GRM8: variants seen among roughly 807,000 people sequenced by gnomAD.
The protein encoded by GRM8 is metabotropic glutamate receptor 8.
A neutral mutation model predicts 87.2 loss-of-function variants in GRM8; 47 were observed. The observed-to-expected ratio is 0.54, with a 90% CI of 0.43 to 0.69. GRM8 has a LOEUF of 0.69. Among genes scored for constraint, GRM8 ranks in the 30% least tolerant of loss-of-function variants. The pLI is 0.00. For synonymous variants in GRM8, 396 were observed against 404.5 expected, an observed-to-expected ratio of 0.98 and a Z score of 0.25; for missense variants, 1,019 against 1,139.2, an observed-to-expected ratio of 0.89 and a Z score of 1.52.
chr7:127,217,969 T>C (rs1276467767), intron 2 of GRM8, among the ~76,000 whole-genome samples: 1 of 152,192 alleles, frequency 6.6e-6, no homozygotes, highest in Non-Finnish European at 1.5e-5. Flanking sequence ...AAAGCCCTTC[T>C]TTAGAATGCA....
In GRM8 at chr7:126,769,882, C is replaced by A; in HGVS notation, c.1340G>T (p.Arg447Leu). Residue 447 changes from arginine to leucine, a missense_variant, in exon 7 of 11, where the codon CGG (arginine) becomes CTG (leucine). Transcript: ENST00000339582. ...TAACTTACCATTAAAATTTACAGCC[C>A]GAATATAACCAAGTAGCTCTTTCCC... ...IDGKELLGYI[R>L]AVNFNGSAGT... is the part of the protein sequence containing the mutation. 1 of 1,610,442 alleles carries A rather than the reference C, an allele frequency of 6.2e-7. No individual in the cohort carries two copies. Among genetic ancestry groups the A allele is most frequent in the Admixed American group, 1.7e-5 (1 of 59,868 alleles).
At chr7:126,485,358 C>CA (rs372792249) in intron 9 of GRM8, among the ~76,000 whole-genome samples, 3 of 125,844 alleles carry the variant, frequency 2.4e-5, no homozygotes, top group East Asian at 2.3e-4. Context: ...ACAACAACAA[C>CA]AAAAAAAAAG....
At chr7:126,674,974 A>G (rs1183178865) in intron 7 of GRM8, among the ~76,000 whole-genome samples, 2 of 152,224 alleles carry the variant, frequency 1.3e-5, no homozygotes, top group Non-Finnish European at 2.9e-5. Context: ...AGGAACTTCC[A>G]GGCAAGTCAC....
chr7:126,965,136 A>T (rs1478384807), intron 3 of GRM8, among the ~76,000 whole-genome samples: 1 of 152,132 alleles, frequency 6.6e-6, no homozygotes, highest in Non-Finnish European at 1.5e-5. Flanking sequence ...GGGTGGGGGA[A>T]TATCACATAC....
intron 2 of GRM8, among the ~76,000 whole-genome samples, chr7:127,232,222 A>T (rs532870010): frequency 0.014 from 1,994 of 138,562 alleles, 38 homozygotes; most frequent in African/African-American, 0.048. Flanking sequence ...TGAGAGAGAG[A>T]GAGAGAGAGA....
intron 8 of GRM8, among the ~76,000 whole-genome samples, chr7:126,544,853 C>A (rs1816960336): frequency 6.6e-6 from 1 of 152,090 alleles, no homozygotes; most frequent in Non-Finnish European, 1.5e-5. Flanking sequence ...AGAAACTCTG[C>A]AGGTTCCTTT....
chr7:126,847,115 A>C (rs1488784748), intron 6 of GRM8, among the ~76,000 whole-genome samples: 3 of 152,232 alleles, frequency 2.0e-5, no homozygotes, highest in Non-Finnish European at 4.4e-5. Context: ...AGTTCAGTTG[A>C]CATTCACAGA....
At chr7:126,530,739 G>A (rs1814675069) in intron 9 of GRM8, among the ~76,000 whole-genome samples, 1 of 152,178 alleles carries the variant, frequency 6.6e-6, no homozygotes, top group African/African-American at 2.4e-5. Flanking sequence ...AGATATACAA[G>A]TTTTGTTCAT....
intron 7 of GRM8, among the ~76,000 whole-genome samples, chr7:126,753,645 G>A (rs1402973006): frequency 3.3e-5 from 5 of 151,412 alleles, no homozygotes; most frequent in African/African-American, 1.2e-4. Flanking sequence ...AAAACCTGAG[G>A]TACTTATTAG....
chr7:127,026,170 A>G (rs989463436), intron 3 of GRM8, among the ~76,000 whole-genome samples: 1 of 152,150 alleles, frequency 6.6e-6, no homozygotes, highest in South Asian at 2.1e-4. Context: ...CGTGCAAAGG[A>G]CACAAACTCA....
intron 9 of GRM8, among the ~76,000 whole-genome samples, chr7:126,520,037 A>G (rs984148034): frequency 6.6e-6 from 1 of 152,064 alleles, no homozygotes; most frequent in African/African-American, 2.4e-5. Flanking sequence ...GACACTGAGC[A>G]TAACAGAGAA....
intron 3 of GRM8, among the ~76,000 whole-genome samples, chr7:127,077,165 G>A (rs1418168348): frequency 2.0e-5 from 3 of 152,264 alleles, no homozygotes; most frequent in African/African-American, 7.2e-5. Flanking sequence ...TATCTGTGCT[G>A]AGCAGGGCAA....
At chr7:126,502,226 C>T (rs576877221) in intron 9 of GRM8, among the ~76,000 whole-genome samples, 5 of 151,994 alleles carry the variant, frequency 3.3e-5, no homozygotes, top group Non-Finnish European at 7.4e-5. Context: ...AAATGACAAA[C>T]AGCTACCTGT....
intron 2 of GRM8, among the ~76,000 whole-genome samples, chr7:127,186,648 C>T (rs540853060): frequency 4.6e-5 from 7 of 152,292 alleles, no homozygotes. Context: ...TTCTCTTCAT[C>T]TGTTACCTAC....
chr7:127,167,889 C>T (rs10480792), intron 2 of GRM8, among the ~76,000 whole-genome samples: 2,178 of 152,204 alleles, frequency 0.014, 44 homozygotes, highest in African/African-American at 0.049. Context: ...TCATGAAAGA[C>T]CTAAAACCAT....
chr7:127,184,748 T>C (rs1283971373), intron 2 of GRM8, among the ~76,000 whole-genome samples: 1 of 151,922 alleles, frequency 6.6e-6, no homozygotes, highest in East Asian at 1.9e-4. Context: ...AGGGGAAAAG[T>C]TCCTGGAATT....
At chr7:126,670,048 C>T (rs1032271870) in intron 7 of GRM8, among the ~76,000 whole-genome samples, 2 of 152,154 alleles carry the variant, frequency 1.3e-5, no homozygotes, top group Admixed American at 6.5e-5. Context: ...TCTTAAAATG[C>T]TAATCTGCTC....
intron 6 of GRM8, 83 bp downstream of exon 6, chr7:126,902,459 C>A: frequency 2.7e-6 from 3 of 1,095,212 alleles, no homozygotes; most frequent in East Asian, 2.5e-5. Flanking sequence ...CATCATTATC[C>A]ATATAGAAAA....
intron 8 of GRM8, among the ~76,000 whole-genome samples, chr7:126,579,153 T>G (rs1562971747): frequency 6.6e-6 from 1 of 152,176 alleles, no homozygotes; most frequent in Non-Finnish European, 1.5e-5. Context: ...TATTAGAAGT[T>G]TGGTTCTGTT....
Sources: allele counts gnomAD v4.1 joint callset (sites outside exome capture counted in the v4.1 genomes callset), GRCh38; gene constraint gnomAD v4.1.1; transcripts MANE v1.5; gene names NCBI Gene and HGNC (gene_info 2026-07-23, HGNC 2026-07-21).